The following NEGR1 variants were observed in gnomAD, a reference collection of about 807,000 sequenced individuals.
NEGR1 encodes the protein neuronal growth regulator 1, also known as IgLON family member 4.
NEGR1 carries 10 observed loss-of-function variants against 40.9 expected under a neutral mutation model. The ratio of observed to expected loss-of-function variants is 0.24; its 90% confidence interval spans 0.15 to 0.42. The LOEUF is 0.42. Among genes scored for constraint, NEGR1 ranks in the 10% least tolerant of loss-of-function variants. The pLI, the probability that NEGR1 is intolerant of heterozygous loss-of-function variation, is 1.00. For synonymous variants in NEGR1, 185 were observed against 166.8 expected (o/e 1.11, Z -0.84); for missense variants, 352 against 438.9 (o/e 0.80, Z 1.77).
Position 72,163,885 on chromosome 1 carries a change from G to T in NEGR1, c.176+118434C>A, listed in dbSNP as rs187909907. Among the ~76,000 whole-genome samples, 13 of 151,838 alleles carry T rather than the reference G, an allele frequency of 8.6e-5. No homozygotes were observed. In the East Asian group the frequency reaches 2.5e-3, roughly 29 times the overall value. ...TAATTATAAAATACAAAATAAGAAT[G>T]GTATCAAAGAAAATGAGTATTTTAT... is the stretch of plus-strand genomic sequence containing the variant. On this transcript the variant is annotated intron_variant, in intron 1 of 6. Coordinates refer to ENST00000357731, the MANE Select transcript of NEGR1 (RefSeq NM_173808.3).
At chr1:71,782,425 T>C (rs1656748839) in intron 2 of NEGR1, among the ~76,000 whole-genome samples, 1 of 152,188 alleles carries the variant, frequency 6.6e-6, no homozygotes, top group Non-Finnish European at 1.5e-5. Flanking sequence ...TTTGCACCCA[T>C]AACTCTCTGC....
intron 2 of NEGR1, among the ~76,000 whole-genome samples, chr1:71,805,194 C>G (rs772314219): frequency 3.9e-5 from 6 of 152,122 alleles, no homozygotes; most frequent in Non-Finnish European, 2.9e-5. Context: ...ACAATGCGTG[C>G]CCAAAACTTC....
intron 2 of NEGR1, among the ~76,000 whole-genome samples, chr1:71,926,381 C>T (rs946350688): frequency 1.2e-4 from 18 of 151,482 alleles, no homozygotes; most frequent in Non-Finnish European, 2.2e-4. Context: ...AACATTTCTC[C>T]TCATCAACAC....
At chr1:71,479,956 T>C (rs1265500639) in intron 6 of NEGR1, among the ~76,000 whole-genome samples, 1 of 151,968 alleles carries the variant, frequency 6.6e-6, no homozygotes, top group Non-Finnish European at 1.5e-5. Flanking sequence ...TTTTATGTGA[T>C]TCATATAAAT....
At chr1:72,154,925 T>A (rs1419478448) in intron 1 of NEGR1, among the ~76,000 whole-genome samples, 4 of 152,006 alleles carry the variant, frequency 2.6e-5, no homozygotes, top group Non-Finnish European at 4.4e-5. Flanking sequence ...ATTGTTTGAA[T>A]ACAATAGTAA....
intron 2 of NEGR1, among the ~76,000 whole-genome samples, chr1:71,799,570 T>C (rs1456900857): frequency 6.6e-6 from 1 of 152,158 alleles, no homozygotes; most frequent in Non-Finnish European, 1.5e-5. Context: ...AGTAATGGGA[T>C]TGCTGGATCA....
At chr1:71,613,263 T>C (rs1650324846) in intron 4 of NEGR1, among the ~76,000 whole-genome samples, 2 of 151,730 alleles carry the variant, frequency 1.3e-5, no homozygotes, top group Admixed American at 6.6e-5. Flanking sequence ...TGAAGTGACA[T>C]AGAGAAAAAA....
In NEGR1 at chr1:71,592,267, G is replaced by A. The variant is rs535194553; in HGVS notation, c.940+550C>T. Among the ~76,000 whole-genome samples the A allele has an allele frequency of 7.9e-5, 12 of 152,022 alleles. No homozygotes were observed. In the East Asian group the frequency reaches 2.3e-3, roughly 29 times the overall value. ...GGAAGTAAGATACATTAGAAATGTA[G>A]TATTTATTTGAATAAAATCTTAAGT... is the stretch of plus-strand genomic sequence containing the variant. On this transcript the variant is annotated intron_variant, in intron 6 of 6. Transcript: ENST00000357731.
At chr1:71,514,006 C>A (rs12564556) in intron 6 of NEGR1, among the ~76,000 whole-genome samples, 26,027 of 113,288 alleles carry the variant, frequency 0.23, 3,679 homozygotes, top group East Asian at 0.57. Context: ...GAATATTGCG[C>A]TTTTCAGACC....
chr1:71,582,303 C>A (rs943217977), intron 6 of NEGR1, among the ~76,000 whole-genome samples: 1 of 151,982 alleles, frequency 6.6e-6, no homozygotes, highest in Admixed American at 6.6e-5. Flanking sequence ...AGAAAAGCAT[C>A]TTGTAATGTT....
chr1:71,690,643 G>C (rs1396549878), intron 4 of NEGR1, among the ~76,000 whole-genome samples: 1 of 148,770 alleles, frequency 6.7e-6, no homozygotes, highest in Non-Finnish European at 1.5e-5. Context: ...GAGAGAGAGA[G>C]AGAGAGAGAG....
At chr1:71,679,007 T>C (rs938385931) in intron 4 of NEGR1, among the ~76,000 whole-genome samples, 5 of 152,054 alleles carry the variant, frequency 3.3e-5, no homozygotes, top group Non-Finnish European at 7.4e-5. Context: ...CGGTATCAAG[T>C]TTGTGTTTTG....
chr1:71,557,057 T>C (rs1648276755), intron 6 of NEGR1, among the ~76,000 whole-genome samples: 1 of 151,664 alleles, frequency 6.6e-6, no homozygotes, highest in Admixed American at 6.6e-5. Flanking sequence ...ATGGATTTAT[T>C]TGAAGTATTC....
At chr1:72,015,019 A>G (rs1344983339) in intron 1 of NEGR1, among the ~76,000 whole-genome samples, 1 of 152,144 alleles carries the variant, frequency 6.6e-6, no homozygotes, top group Admixed American at 6.6e-5. Flanking sequence ...GGGTAACTCA[A>G]GTAAATAAGA....
intron 3 of NEGR1, among the ~76,000 whole-genome samples, chr1:71,735,026 C>T (rs1655001691): frequency 6.6e-6 from 1 of 152,064 alleles, no homozygotes; most frequent in South Asian, 2.1e-4. Context: ...CTCTGTTACT[C>T]CTTTGGTTTT....
intron 6 of NEGR1, among the ~76,000 whole-genome samples, chr1:71,561,305 T>C (rs553204913): frequency 9.9e-5 from 15 of 151,754 alleles, no homozygotes; most frequent in Non-Finnish European, 1.8e-4. Flanking sequence ...CATGTTATTA[T>C]ACATCTAGGT....
intron 1 of NEGR1, among the ~76,000 whole-genome samples, chr1:72,032,599 A>C (rs551627867): frequency 6.6e-6 from 1 of 152,166 alleles, no homozygotes; most frequent in Non-Finnish European, 1.5e-5. Flanking sequence ...TTCACACTCA[A>C]AATAAAGAAG....
At chr1:72,053,411 A>T (rs908074369) in intron 1 of NEGR1, among the ~76,000 whole-genome samples, 15 of 151,110 alleles carry the variant, frequency 9.9e-5, no homozygotes. Flanking sequence ...TTACAAAAAT[A>T]TACTTTATAC....
chr1:71,424,338 T>C, intron 6 of NEGR1, among the ~76,000 whole-genome samples: 1 of 152,198 alleles, frequency 6.6e-6, no homozygotes, highest in East Asian at 1.9e-4. Context: ...GTTCATACAT[T>C]TGTGGATTCA....
Sources: gnomAD v4.1 joint callset for allele counts (sites outside exome capture counted in the v4.1 genomes callset) on GRCh38, gnomAD v4.1.1 for gene constraint, MANE v1.5 for transcripts, NCBI Gene and HGNC (gene_info 2026-07-23, HGNC 2026-07-21) for gene names.